Variants in DCDC1 observed in about 807,000 individuals in gnomAD.
DCDC1 encodes the protein doublecortin domain-containing protein 1.
DCDC1 carries 200 observed loss-of-function variants against 178.3 expected under a neutral mutation model. That is an observed-to-expected ratio of 1.12 (90% CI 1.00 to 1.26). The LOEUF is 1.26. Among genes scored for constraint, DCDC1 ranks in the 50% most tolerant of loss-of-function variants. The pLI is 0.00. For missense variants in DCDC1, 1,983 were observed against 1,749.2 expected (o/e 1.13, Z -2.38); for synonymous variants, 690 against 604.8 (o/e 1.14, Z -2.07).
intron 33 of DCDC1, among the ~76,000 whole-genome samples, chr11:30,900,012 C>T (rs1051501605): frequency 6.6e-6 from 1 of 152,068 alleles, no homozygotes; most frequent in African/African-American, 2.4e-5. Flanking sequence ...AATGTGCAGA[C>T]AGGTCGTCCT....
intron 9 of DCDC1, among the ~76,000 whole-genome samples, chr11:31,147,107 G>C (rs1964531242): frequency 6.6e-6 from 1 of 152,122 alleles, no homozygotes; most frequent in Non-Finnish European, 1.5e-5. Context: ...GGAGCATTTA[G>C]GACTCACTCA....
rs556988793 is a variant in DCDC1 at position 31,170,982 on chromosome 11, C to T, written c.1222-33198G>A. On this transcript the variant is annotated intron_variant, in intron 9 of 38. Transcript: ENST00000684477. The stretch of plus-strand genomic sequence containing the variant: ...CAGCTGGGATTACAGGCATGAGCCA[C>T]CATGCCAGGCTAATTTTGTATTTTT... 3.3e-5 allele frequency among the ~76,000 whole-genome samples: 5 copies of T among 152,242 alleles called. No individual in the cohort carries two copies. In the East Asian group the frequency reaches 9.7e-4, roughly 29 times the overall value.
intron 20 of DCDC1, among the ~76,000 whole-genome samples, chr11:30,982,500 C>G (rs1345296286): frequency 2.0e-5 from 3 of 152,086 alleles, no homozygotes; most frequent in African/African-American, 7.2e-5. Flanking sequence ...ACCAAAGGAG[C>G]CTTAGGAATT....
At chr11:31,025,677 G>A (rs1265933131) in intron 20 of DCDC1, among the ~76,000 whole-genome samples, 1 of 151,774 alleles carries the variant, frequency 6.6e-6, no homozygotes, top group Non-Finnish European at 1.5e-5. Flanking sequence ...GCTTGAGTAA[G>A]TTGCTTAAGA....
chr11:31,301,817 GC>G (rs1484510834), intron 6 of DCDC1, among the ~76,000 whole-genome samples: 6 of 152,114 alleles, frequency 3.9e-5, no homozygotes, highest in Admixed American at 1.3e-4. Context: ...TCAATCACAA[GC>G]TGTCATAGCA....
chr11:30,898,004 G>A (rs1184430361), intron 34 of DCDC1, among the ~76,000 whole-genome samples: 1 of 152,144 alleles, frequency 6.6e-6, no homozygotes. Context: ...AACAGGACAG[G>A]AGAGGGAAAA....
At position 31,168,847 on chromosome 11, in the gene DCDC1, T is replaced by C. The variant is rs187524378; in HGVS notation, c.1222-31063A>G. Among the ~76,000 whole-genome samples the C allele has an allele frequency of 1.2e-3, 184 of 152,310 alleles. 1 individual carries two copies. The highest frequency in any genetic ancestry group is 4.3e-3 in the African/African-American group (179 of 41,572). On this transcript the variant is annotated intron_variant, in intron 9 of 38. Transcript: ENST00000684477. Reference sequence around the variant, plus strand: ...TTATATAATCAGCATTTAATAAACATTAATTATGCAATTTATTATTTTATT... The same window carrying C: ...TTATATAATCAGCATTTAATAAACACTAATTATGCAATTTATTATTTTATT...
chr11:30,936,343 G>T (rs1211809008), intron 21 of DCDC1, among the ~76,000 whole-genome samples: 2 of 152,112 alleles, frequency 1.3e-5, no homozygotes, highest in Admixed American at 6.5e-5. Context: ...GGAGACATTT[G>T]GTTCAAAGCA....
chr11:30,943,883 A>C (rs1043217953), intron 21 of DCDC1: 1 of 281,278 alleles, frequency 3.6e-6, no homozygotes, highest in East Asian at 8.8e-5. Context: ...AGAGGTACAT[A>C]GTTTTTAGTA....
At chr11:31,181,138 G>A (rs1229730300) in intron 9 of DCDC1, among the ~76,000 whole-genome samples, 1 of 152,180 alleles carries the variant, frequency 6.6e-6, no homozygotes, top group African/African-American at 2.4e-5. Flanking sequence ...GCTCAGCAAA[G>A]CCACGGTGGC....
chr11:31,041,271 T>G (rs1168293961), intron 20 of DCDC1, among the ~76,000 whole-genome samples: 1 of 152,136 alleles, frequency 6.6e-6, no homozygotes, highest in African/African-American at 2.4e-5. Flanking sequence ...CCAGACAATT[T>G]TATATAGCAC....
chr11:30,885,366 CTT>C (rs1236833567), intron 36 of DCDC1, among the ~76,000 whole-genome samples: 1 of 151,750 alleles, frequency 6.6e-6, no homozygotes. Context: ...AATGAATAAA[CTT>C]ATAAAATGTA....
At chr11:30,929,794 A>G (rs1188828427) in intron 22 of DCDC1, among the ~76,000 whole-genome samples, 1 of 152,126 alleles carries the variant, frequency 6.6e-6, no homozygotes, top group Non-Finnish European at 1.5e-5. Context: ...CTGTGACACA[A>G]GAAAAATTAT....
intron 17 of DCDC1, among the ~76,000 whole-genome samples, chr11:31,081,869 C>T: frequency 6.6e-6 from 1 of 152,092 alleles, no homozygotes; most frequent in Non-Finnish European, 1.5e-5. Context: ...TCATGAAGTG[C>T]CACGTTAGGC....
rs1285794064 is a variant in DCDC1, at chr11:31,277,968, TG to T, written c.961-12369del. Among the ~76,000 whole-genome samples, 6 of 152,148 alleles carry T rather than the reference TG, an allele frequency of 3.9e-5. No individual in the cohort carries two copies. In the South Asian group the frequency reaches 6.2e-4, roughly 16 times the overall value. On this transcript the variant is annotated intron_variant, in intron 7 of 38. Coordinates refer to ENST00000684477, the MANE Select transcript of DCDC1 (RefSeq NM_001387274.1). ...TATTTTTTGTGTCCTAAGAAATATT[TG>T]CCTACCCAAGGTTAAAAAGATTTTC...
intron 1 of DCDC1, among the ~76,000 whole-genome samples, chr11:31,365,325 A>G (rs1387726165): frequency 6.6e-6 from 1 of 152,180 alleles, no homozygotes; most frequent in African/African-American, 2.4e-5. Context: ...TCTAGAGACA[A>G]TCATTCAATT....
At position 30,906,058 on chromosome 11, in the gene DCDC1, G is replaced by GT. The variant is rs556568550; in HGVS notation, c.4104+481dup. On this transcript the variant is annotated intron_variant, in intron 30 of 38. Transcript: ENST00000684477. ...CAAAGGTTATAGGAAAGCGGTAAGA[G>GT]TTTTTTTTGTTGTTGTTCCTCCGTG... is the stretch of plus-strand genomic sequence containing the variant. 8.5e-5 allele frequency among the ~76,000 whole-genome samples: 13 copies of GT among 152,062 alleles called. No individual in the cohort carries two copies. The East Asian group carries it at 1.7e-3, about 20-fold the overall frequency.
intron 8 of DCDC1, among the ~76,000 whole-genome samples, chr11:31,257,693 A>AACACAC (rs60535376): frequency 0.26 from 37,049 of 143,754 alleles, 4,903 homozygotes; most frequent in African/African-American, 0.33. Flanking sequence ...CAGATAGGAA[A>AACACAC]ACACACACAC....
Position 30,880,557 on chromosome 11 carries a change from A to G in DCDC1, c.5233+601T>C, listed in dbSNP as rs1190000107. On this transcript the variant is annotated intron_variant, in intron 37 of 38. Coordinates refer to ENST00000684477, the MANE Select transcript of DCDC1 (RefSeq NM_001387274.1). ...TCTTTTAGTTTCCTTTAGAGTGATAACAGTGTTCTTCGGAATCTCCTGAAA... is the reference window on the plus strand; with the variant it reads ...TCTTTTAGTTTCCTTTAGAGTGATAGCAGTGTTCTTCGGAATCTCCTGAAA... 2.0e-5 allele frequency among the ~76,000 whole-genome samples: 3 copies of G among 152,160 alleles called. No individual in the cohort carries two copies. The East Asian group carries it at 5.8e-4, about 29-fold the overall frequency.
Sources: allele counts gnomAD v4.1 joint callset (sites outside exome capture counted in the v4.1 genomes callset), GRCh38; gene constraint gnomAD v4.1.1; transcripts MANE v1.5; gene names NCBI Gene and HGNC (gene_info 2026-07-23, HGNC 2026-07-21).